Variants in CNN3 observed in about 807,000 individuals in gnomAD.
The protein encoded by CNN3 is calponin 3, also known as calponin-3.
CNN3 carries 11 observed loss-of-function variants against 39.0 expected under a neutral mutation model. The ratio of observed to expected loss-of-function variants is 0.28; its 90% CI spans 0.18 to 0.47. The LOEUF is 0.47. Among genes scored for constraint, CNN3 ranks in the 20% least tolerant of loss-of-function variants. The pLI is 0.99. For synonymous variants in CNN3, 101 were observed against 138.3 expected (o/e 0.73, Z 1.89); for missense variants, 266 against 403.4 (o/e 0.66, Z 2.92).
chr1:94,902,258 A>G lies in CNN3; in HGVS notation c.247T>C (p.Leu83=), dbSNP rs1311561438. The G allele has an allele frequency of 3.1e-6, 5 of 1,607,442 alleles. No individual in the cohort carries two copies. Among genetic ancestry groups the G allele is most frequent in the African/African-American group, 1.3e-5 (1 of 74,674 alleles). ...TTAATAAAGTTGCCAATATTCTCCAACTATAAAGAAGAAGAGTTTTATAAT... is the reference window on the plus strand; with the variant it reads ...TTAATAAAGTTGCCAATATTCTCCAGCTATAAAGAAGAAGAGTTTTATAAT... ...VNESSLNWPQ[L]ENIGNFIKAI... Residue 83 remains leucine, a splice_region_variant and synonymous_variant, in exon 4 of 7, where the codon TTG becomes CTG. Coordinates refer to ENST00000370206, the MANE Select transcript of CNN3 (RefSeq NM_001839.5).
rs142065965 is a variant in CNN3 at position 94,899,497 on chromosome 1, G to A, written c.522C>T (p.Ala174=). 12 of 1,611,450 alleles carry A rather than the reference G, an allele frequency of 7.4e-6. No individual in the cohort carries two copies. The highest frequency in any genetic ancestry group is 1.0e-5 in the Non-Finnish European group (12 of 1,179,240). ...CGTAAGCTGTCATACCTGCCTGGCT[G>A]GCACATTTGTTGGTTCCCATCTTTT... The part of the protein sequence containing the change: ...IGLQMGTNKC[A]SQAGMTAYGT... The change falls in exon 6 of 7, where the codon GCC becomes GCT. Residue 174 remains alanine, a synonymous_variant. Coordinates refer to ENST00000370206, the MANE Select transcript of CNN3 (RefSeq NM_001839.5).
chr1:94,911,164 A>C (rs1054272062), intron 1 of CNN3, among the ~76,000 whole-genome samples: 2 of 152,250 alleles, frequency 1.3e-5, no homozygotes, highest in Non-Finnish European at 2.9e-5. Context: ...TGATGTCAAG[A>C]TAGAATGCAT....
intron 1 of CNN3, among the ~76,000 whole-genome samples, chr1:94,915,503 A>G (rs560461472): frequency 3.9e-5 from 6 of 152,346 alleles, no homozygotes; most frequent in Admixed American, 2.6e-4. Flanking sequence ...CATATTTTAC[A>G]TAATTGTAAT....
intron 1 of CNN3, among the ~76,000 whole-genome samples, chr1:94,907,022 C>T (rs571102011): frequency 3.0e-4 from 46 of 152,324 alleles, no homozygotes; most frequent in African/African-American, 1.0e-3. Flanking sequence ...ATAGAAAAAT[C>T]AAGCACTGGA....
chr1:94,897,689 G>T lies in CNN3; in HGVS notation c.*53C>A, dbSNP rs1033620439. The T allele has an allele frequency of 8.7e-6, 13 of 1,498,408 alleles. No individual in the cohort carries two copies. Among genetic ancestry groups the T allele is most frequent in the Non-Finnish European group, 1.2e-5 (13 of 1,090,114 alleles). 92.8% of individuals were successfully genotyped at this position (1,498,408 alleles called of 1,614,324 possible). A position where few individuals can be genotyped will look rare whatever the true frequency, so the allele number is the denominator to read the frequency against. On this transcript the variant is annotated 3_prime_UTR_variant, in exon 7 of 7. Coordinates refer to ENST00000370206, the MANE Select transcript of CNN3 (RefSeq NM_001839.5). ...ATAAAAATTACTCAAGGCTAGCTTG[G>T]TTCTCACTGAATAAAAACAAAGGAC...
intron 1 of CNN3, among the ~76,000 whole-genome samples, chr1:94,918,767 G>A (rs182749783): frequency 6.6e-5 from 10 of 151,798 alleles, no homozygotes; most frequent in Admixed American, 2.0e-4. Flanking sequence ...GGTGGTGCGC[G>A]ACTGTAATCC....
intron 1 of CNN3, among the ~76,000 whole-genome samples, chr1:94,921,177 T>C (rs1204508136): frequency 6.6e-6 from 1 of 152,186 alleles, no homozygotes; most frequent in Non-Finnish European, 1.5e-5. Context: ...GTGTTATCAC[T>C]TGAGGTCAGG....
intron 1 of CNN3, among the ~76,000 whole-genome samples, chr1:94,919,558 G>C (rs1411702382): frequency 6.6e-6 from 1 of 152,140 alleles, no homozygotes; most frequent in South Asian, 2.1e-4. Flanking sequence ...CATTCACAGA[G>C]CCTGGGTAAC....
Position 94,927,001 on chromosome 1 carries a change from T to G in CNN3, c.-107A>C. The G allele has an allele frequency of 6.2e-6, 8 of 1,282,244 alleles. No individual in the cohort carries two copies. The highest frequency in any genetic ancestry group is 2.7e-5 in the South Asian group (2 of 73,594). 79.4% of individuals were successfully genotyped at this position (1,282,244 alleles called of 1,614,324 possible). ...TGGCCGCCGCGGGGGATGCTCGAAC[T>G]CCCTCCTCTGGGAGGCGCAGGAGAC... On this transcript the variant is annotated 5_prime_UTR_variant, in exon 1 of 7. Transcript: ENST00000370206.
At chr1:94,919,891 G>A (rs879439341) in intron 1 of CNN3, among the ~76,000 whole-genome samples, 1 of 151,928 alleles carries the variant, frequency 6.6e-6, no homozygotes. Context: ...CCTTGTGGGG[G>A]AAAACTAAGC....
rs575833498 is a variant in CNN3, at chr1:94,917,627, C to A, written c.57+9211G>T. On this transcript the variant is annotated intron_variant, in intron 1 of 6. Coordinates refer to ENST00000370206, the MANE Select transcript of CNN3 (RefSeq NM_001839.5). Reference sequence around the variant, plus strand: ...TAAATGTTATGTCAAAAGTTACACACTTTTCTACACAAGTACTTTTAAAGG... The same window carrying A: ...TAAATGTTATGTCAAAAGTTACACAATTTTCTACACAAGTACTTTTAAAGG... 3.3e-5 allele frequency among the ~76,000 whole-genome samples: 5 copies of A among 152,322 alleles called. No individual in the cohort carries two copies. In the East Asian group the frequency reaches 9.6e-4, roughly 29 times the overall value.
At chr1:94,906,813 C>T (rs1016330897) in intron 1 of CNN3, among the ~76,000 whole-genome samples, 3 of 152,126 alleles carry the variant, frequency 2.0e-5, no homozygotes, top group African/African-American at 7.2e-5. Flanking sequence ...ATTCTCATAC[C>T]AAATGACATC....
In CNN3 at chr1:94,898,438, T is replaced by C. The variant is rs567419656; in HGVS notation, c.649-355A>G. ...ATGAGACATAAAGAATGTGAAATCA[T>C]AATGCTTCCACACCAGAAAGTTCCA... On this transcript the variant is annotated intron_variant, in intron 6 of 6. Coordinates refer to ENST00000370206, the MANE Select transcript of CNN3 (RefSeq NM_001839.5). Among the ~76,000 whole-genome samples, 4 of 152,334 alleles carry C rather than the reference T, an allele frequency of 2.6e-5. No individual in the cohort carries two copies. In the East Asian group the frequency reaches 7.7e-4, roughly 29 times the overall value.
At chr1:94,920,324 T>C (rs1283432276) in intron 1 of CNN3, among the ~76,000 whole-genome samples, 2 of 152,208 alleles carry the variant, frequency 1.3e-5, no homozygotes, top group African/African-American at 4.8e-5. Context: ...ACAGTAGTAC[T>C]GCTTGGTGTC....
rs573888927 is a variant in CNN3, at chr1:94,908,546, TG to T, written c.58-5023del. On this transcript the variant is annotated intron_variant, in intron 1 of 6. Transcript: ENST00000370206. Reference sequence around the variant, plus strand: ...TAATAATTGGTTTTTTGTTGTTGTTTGTTTGTTTTTTTGAGACGGAGTCTCG... The same window carrying T: ...TAATAATTGGTTTTTTGTTGTTGTTTTTTGTTTTTTTGAGACGGAGTCTCG... Among the ~76,000 whole-genome samples, 19 of 152,326 alleles carry T rather than the reference TG, an allele frequency of 1.2e-4. No individual in the cohort carries two copies. In the East Asian group the frequency reaches 3.7e-3, roughly 29 times the overall value.
rs528043999 is a variant in CNN3 at position 94,914,773 on chromosome 1, A to G, written c.58-11249T>C. On this transcript the variant is annotated intron_variant, in intron 1 of 6. Coordinates refer to ENST00000370206, the MANE Select transcript of CNN3 (RefSeq NM_001839.5). ...AAATCGAATTTTAAACATGGGATAG[A>G]TGCTGATGGAATCTTACAGATATGT... is the stretch of plus-strand genomic sequence containing the variant. 3.3e-5 allele frequency among the ~76,000 whole-genome samples: 5 copies of G among 152,366 alleles called. 1 individual carries two copies. In the South Asian group the frequency reaches 1.0e-3, roughly 32 times the overall value.
intron 1 of CNN3, among the ~76,000 whole-genome samples, chr1:94,905,161 G>A (rs549387771): frequency 2.6e-5 from 4 of 152,212 alleles, no homozygotes; most frequent in South Asian, 2.1e-4. Context: ...AGACATTTAC[G>A]AACCTGGCCA....
chr1:94,917,702 A>G (rs1278781996), intron 1 of CNN3, among the ~76,000 whole-genome samples: 1 of 152,232 alleles, frequency 6.6e-6, no homozygotes, highest in Non-Finnish European at 1.5e-5. Context: ...AATCCATACA[A>G]CAGACTATAA....
intron 1 of CNN3, among the ~76,000 whole-genome samples, chr1:94,910,647 C>T (rs562547514): frequency 1.3e-5 from 2 of 152,292 alleles, no homozygotes; most frequent in African/African-American, 2.4e-5. Context: ...CCTGTGTTCC[C>T]AAGTTCCAGT....
Sources: gnomAD v4.1 joint callset for allele counts (sites outside exome capture counted in the v4.1 genomes callset) on GRCh38, gnomAD v4.1.1 for gene constraint, MANE v1.5 for transcripts, NCBI Gene and HGNC (gene_info 2026-07-23, HGNC 2026-07-21) for gene names.